The following IFNK variants were observed in gnomAD, a reference collection of about 807,000 sequenced individuals.
IFNK encodes the protein IFN-kappa.
In IFNK, 13 loss-of-function variants were observed where a neutral mutation model predicts 12.0. That is an observed-to-expected ratio of 1.08 (90% CI 0.70 to 1.72). IFNK has a LOEUF of 1.72. IFNK is among the 40% of genes most tolerant of loss of function. The probability of loss-of-function intolerance (pLI) is 0.00; values close to 1 mark genes in which losing one functional copy is unlikely to be tolerated. For synonymous variants in IFNK, 94 were observed against 82.3 expected, an observed-to-expected ratio of 1.14 and a Z score of -0.77; for missense variants, 248 against 237.0, an observed-to-expected ratio of 1.05 and a Z score of -0.30.
rs150777043 is a variant in IFNK at position 27,524,340 on chromosome 9, A to G, written c.4A>G (p.Ser2Gly). 4 of 1,602,966 alleles carry G rather than the reference A, an allele frequency of 2.5e-6. No individual in the cohort carries two copies. The highest frequency in any genetic ancestry group is 2.7e-5 in the African/African-American group (2 of 73,738). M[S>G]TKPDMIQKCL... is the part of the protein sequence containing the mutation. ...GATTTTTTAGCTTGCAAAAAAAATGAGCACCAAACCTGATATGATTCAAAA... is the reference window on the plus strand; with the variant it reads ...GATTTTTTAGCTTGCAAAAAAAATGGGCACCAAACCTGATATGATTCAAAA... The change falls in exon 1 of 2, where the codon AGC becomes GGC. Residue 2 changes from serine to glycine, a missense_variant. Ser to Gly is a moderately conservative substitution (Grantham distance 56, BLOSUM62 0). Coordinates refer to ENST00000276943, the MANE Select transcript of IFNK (RefSeq NM_020124.3).
Position 27,524,419 on chromosome 9 carries a change from T to C in IFNK, c.83T>C (p.Leu28Pro), listed in dbSNP as rs532103776. 12 of 1,614,100 alleles carry C rather than the reference T, an allele frequency of 7.4e-6. No individual in the cohort carries two copies. The South Asian group carries it at 9.9e-5, about 13-fold the overall frequency. The change falls in exon 1 of 2, where the codon CTG (leucine) becomes CCG (proline). Residue 28 changes from leucine to proline, a missense_variant. Leu to Pro is a moderately conservative substitution (Grantham distance 98). Transcript: ENST00000276943. ...ATATTCATTGCTGGCACCCTATCCC[T>C]GGACTGTAACTTACTGAACGTTCAC... ...MGIFIAGTLS[L>P]DCNLLNVHLR...
At chr9:27,525,698 GGA>G (rs140290319) in intron 1 of IFNK, among the ~76,000 whole-genome samples, 9,467 of 152,144 alleles carry the variant, frequency 0.062, 329 homozygotes, top group East Asian at 0.11. Flanking sequence ...AAAATGCTGT[GGA>G]AAAGTATGGT....
At position 27,524,667 on chromosome 9, in the gene IFNK, C is replaced by T. The variant is rs770418502; in HGVS notation, c.331C>T (p.Leu111Phe). ...CTTCAAATATTGGAAAGAGAGACAC[C>T]TCAAACAAATCCAAATAGGACTTGA... ...HTFKYWKERH[L>F]KQIQIGLDQQ... Residue 111 changes from leucine to phenylalanine, a missense_variant, in exon 1 of 2, where the codon CTC (leucine) becomes TTC (phenylalanine). Transcript: ENST00000276943. 72 of 1,613,908 alleles carry T rather than the reference C, an allele frequency of 4.5e-5. 1 individual carries two copies. The South Asian group carries it at 7.4e-4, about 16-fold the overall frequency.
rs764002887 is a variant in IFNK, at chr9:27,524,935, T to G, written c.599T>G (p.Phe200Cys). The G allele has an allele frequency of 1.2e-6, 2 of 1,604,984 alleles. No individual in the cohort carries two copies. The highest frequency in any genetic ancestry group is 1.1e-5 in the South Asian group (1 of 88,618). ...AGATGTTTGTATTACTTTTACAAAT[T>G]TACAGCTCTATTCAGGAGGAAATAA... is the stretch of plus-strand genomic sequence containing the variant. ...IRRCLYYFYK[F>C]TALFRRK Residue 200 changes from phenylalanine to cysteine, a missense_variant, in exon 1 of 2, where the codon TTT becomes TGT. Transcript: ENST00000276943.
At chr9:27,525,342 C>T (rs1820420699) in intron 1 of IFNK, among the ~76,000 whole-genome samples, 2 of 152,152 alleles carry the variant, frequency 1.3e-5, no homozygotes, top group African/African-American at 2.4e-5. Flanking sequence ...ATTTCAATGA[C>T]TTAACTGTTT....
chr9:27,525,982 C>T (rs1321516827), intron 1 of IFNK, 25 bp from the exon 2 acceptor site: 3 of 152,068 alleles, frequency 2.0e-5, no homozygotes, highest in Non-Finnish European at 4.4e-5. Context: ...CTCTTCCTCT[C>T]GCACCTCTAT....
Position 27,524,595 on chromosome 9 carries a change from T to C in IFNK, c.259T>C (p.Phe87Leu), listed in dbSNP as rs1820400632. 1 of 1,613,994 alleles carries C rather than the reference T, an allele frequency of 6.2e-7. No individual in the cohort carries two copies. The highest frequency in any genetic ancestry group is 1.3e-5 in the African/African-American group (1 of 74,912). Residue 87 changes from phenylalanine (F) to leucine (L), a missense_variant, in exon 1 of 2, where the codon TTC becomes CTC. Physicochemically the swap from Phe to Leu is conservative, Grantham distance 22. Coordinates refer to ENST00000276943, the MANE Select transcript of IFNK (RefSeq NM_020124.3). ...QPMKRDIKKA[F>L]YEMSLQAFNI... ...TATGAAGAGGGACATCAAGAAGGCC[T>C]TCTATGAAATGTCCCTACAGGCCTT...
rs537793912 is a variant in IFNK at position 27,526,364 on chromosome 9, A to C, written c.*359A>C. ...CCATTTAGTAAAAATAACTATCAGC[A>C]GAGTTGTTCCAGATTAAAAATAGTA... is the stretch of plus-strand genomic sequence containing the variant. On this transcript the variant is annotated 3_prime_UTR_variant, in exon 2 of 2. Coordinates refer to ENST00000276943, the MANE Select transcript of IFNK (RefSeq NM_020124.3). The C allele has an allele frequency of 6.6e-6, 1 of 152,362 alleles. No homozygotes were observed. Among genetic ancestry groups the C allele is most frequent in the Admixed American group, 6.5e-5 (1 of 15,312 alleles). The allele number at this position is 152,362 out of a possible 1,614,324, so 9.4% of individuals were successfully genotyped here. A position where few individuals can be genotyped will look rare whatever the true frequency, so the allele number is the denominator to read the frequency against.
intron 1 of IFNK, among the ~76,000 whole-genome samples, chr9:27,525,256 C>G (rs1820418689): frequency 6.6e-6 from 1 of 152,140 alleles, no homozygotes; most frequent in African/African-American, 2.4e-5. Context: ...AAGAGCTTTG[C>G]TATATATACC....
At position 27,524,733 on chromosome 9, in the gene IFNK, A is replaced by G. The variant is rs700785; in HGVS notation, c.397A>G (p.Lys133Glu). The G allele has an allele frequency of 0.98, 1,582,358 of 1,613,906 alleles. 777,291 individuals are homozygous for G. The highest frequency in any genetic ancestry group is 1 in the East Asian group (44,790 of 44,846). Residue 133 changes from lysine to glutamate, a missense_variant, in exon 1 of 2, where the codon AAG (lysine) becomes GAG (glutamate). Physicochemically the swap from Lys to Glu is moderately conservative, Grantham distance 56 (BLOSUM62 1). Coordinates refer to ENST00000276943, the MANE Select transcript of IFNK (RefSeq NM_020124.3). ...CCTGAACCAATGCTTGGAGGAAGAC[A>G]AGAATGAAAATGAAGACATGAAAGA... ...EYLNQCLEED[K>E]NENEDMKEMK... is the part of the protein sequence containing the mutation.
Position 27,524,626 on chromosome 9 carries a change from T to C in IFNK, c.290T>C (p.Ile97Thr). ...GAAATGTCCCTACAGGCCTTCAACA[T>C]CTTCAGCCAACACACCTTCAAATAT... The part of the protein sequence containing the change: ...FYEMSLQAFN[I>T]FSQHTFKYWK... The change falls in exon 1 of 2, where the codon ATC (isoleucine) becomes ACC (threonine). Residue 97 changes from isoleucine to threonine, a missense_variant. Physicochemically the swap from Ile to Thr is moderately conservative, Grantham distance 89. Coordinates refer to ENST00000276943, the MANE Select transcript of IFNK (RefSeq NM_020124.3). 1 of 1,614,058 alleles carries C rather than the reference T, an allele frequency of 6.2e-7. No homozygotes were observed. Among genetic ancestry groups the C allele is most frequent in the Non-Finnish European group, 8.5e-7 (1 of 1,179,986 alleles).
Position 27,524,615 on chromosome 9 carries a change from G to A in IFNK, c.279G>A (p.Gln93=), listed in dbSNP as rs534467297. 180 of 1,614,094 alleles carry A rather than the reference G, an allele frequency of 1.1e-4. No individual in the cohort carries two copies. Among genetic ancestry groups the A allele is most frequent in the Non-Finnish European group, 1.5e-4 (174 of 1,179,998 alleles). Residue 93 remains glutamine, a synonymous_variant, in exon 1 of 2, where the codon CAG becomes CAA. Transcript: ENST00000276943. ...IKKAFYEMSL[Q]AFNIFSQHTF... is the part of the protein sequence containing the mutation. The stretch of plus-strand genomic sequence containing the variant: ...AGGCCTTCTATGAAATGTCCCTACA[G>A]GCCTTCAACATCTTCAGCCAACACA...
At chr9:27,525,139 G>A (rs147054294) in intron 1 of IFNK, among the ~76,000 whole-genome samples, 178 bp downstream of exon 1, 26 of 152,168 alleles carry the variant, frequency 1.7e-4, no homozygotes, top group African/African-American at 6.0e-4. Context: ...ACCATCCTCA[G>A]GGTGACCAAG....
rs1480938835 is a variant in IFNK at position 27,524,663 on chromosome 9, A to T, written c.327A>T (p.Arg109Ser). The T allele has an allele frequency of 6.2e-7, 1 of 1,614,086 alleles. No individual in the cohort carries two copies. Among genetic ancestry groups the T allele is most frequent in the East Asian group, 2.2e-5 (1 of 44,864 alleles). ...ACACCTTCAAATATTGGAAAGAGAG[A>T]CACCTCAAACAAATCCAAATAGGAC... ...SQHTFKYWKE[R>S]HLKQIQIGLD... Residue 109 changes from arginine (R) to serine (S), a missense_variant, in exon 1 of 2, where the codon AGA becomes AGT. Coordinates refer to ENST00000276943, the MANE Select transcript of IFNK (RefSeq NM_020124.3).
chr9:27,525,410 C>A (rs1053031815), intron 1 of IFNK, among the ~76,000 whole-genome samples: 18 of 152,180 alleles, frequency 1.2e-4, no homozygotes, highest in African/African-American at 4.3e-4. Context: ...CTTATACATG[C>A]TCCCTAGAGT....
rs1203911855 is a variant in IFNK at position 27,524,318 on chromosome 9, T to C, written c.-19T>C. The C allele has an allele frequency of 6.2e-7, 1 of 1,601,874 alleles. No homozygotes were observed. Among genetic ancestry groups the C allele is most frequent in the Non-Finnish European group, 8.5e-7 (1 of 1,174,108 alleles). ...ATTGTCATATACACATCTTCTGGAT[T>C]TTTTAGCTTGCAAAAAAAATGAGCA... On this transcript the variant is annotated 5_prime_UTR_variant, in exon 1 of 2. Transcript: ENST00000276943.
In IFNK at chr9:27,524,614, A is replaced by T; in HGVS notation, c.278A>T (p.Gln93Leu). ...AAGGCCTTCTATGAAATGTCCCTAC[A>T]GGCCTTCAACATCTTCAGCCAACAC... ...IKKAFYEMSL[Q>L]AFNIFSQHTF... is the part of the protein sequence containing the mutation. The change falls in exon 1 of 2, where the codon CAG becomes CTG. Residue 93 changes from glutamine (Q) to leucine (L), a missense_variant. By Grantham distance (113) the Gln-to-Leu change is moderately radical. Coordinates refer to ENST00000276943, the MANE Select transcript of IFNK (RefSeq NM_020124.3). 6.2e-7 allele frequency: 1 copy of T among 1,614,166 alleles called. No homozygotes were observed. The highest frequency in any genetic ancestry group is 8.5e-7 in the Non-Finnish European group (1 of 1,179,988).
chr9:27,524,291 T>A lies in IFNK; in HGVS notation c.-46T>A. ...GGCACATGAAGGAAAACTCAAAACATCATTGTCATATACACATCTTCTGGA... is the reference window on the plus strand; with the variant it reads ...GGCACATGAAGGAAAACTCAAAACAACATTGTCATATACACATCTTCTGGA... On this transcript the variant is annotated 5_prime_UTR_variant, in exon 1 of 2. Coordinates refer to ENST00000276943, the MANE Select transcript of IFNK (RefSeq NM_020124.3). 1 of 1,544,518 alleles carries A rather than the reference T, an allele frequency of 6.5e-7. No individual in the cohort carries two copies. Among genetic ancestry groups the A allele is most frequent in the East Asian group, 2.3e-5 (1 of 43,044 alleles).
At chr9:27,525,063 TCCTC>T (rs1820414245) in intron 1 of IFNK, 102 bp downstream of exon 1, 2 of 1,016,860 alleles carry the variant, frequency 2.0e-6, no homozygotes, top group Admixed American at 2.9e-5. Context: ...TGTAAGCCTG[TCCTC>T]AGTTGGACTG....
Sources: allele counts gnomAD v4.1 joint callset (sites outside exome capture counted in the v4.1 genomes callset), GRCh38; gene constraint gnomAD v4.1.1; transcripts MANE v1.5; gene names NCBI Gene and HGNC (gene_info 2026-07-23, HGNC 2026-07-21).